FBXL7: variants seen among roughly 807,000 people sequenced by gnomAD.
FBXL7 encodes F-box and leucine rich repeat protein 7.
A neutral mutation model predicts 38.3 loss-of-function variants in FBXL7; 12 were observed. The observed-to-expected ratio is 0.31, with a 90% CI of 0.20 to 0.51. The LOEUF is 0.51. FBXL7 is among the 20% of genes least tolerant of loss of function. FBXL7 has a pLI of 0.98. For synonymous variants in FBXL7, 297 were observed against 300.9 expected (o/e 0.99, Z 0.13); for missense variants, 567 against 676.4 (o/e 0.84, Z 1.79).
chr5:15,858,284 A>G (rs1295277000), intron 2 of FBXL7, among the ~76,000 whole-genome samples: 1 of 151,542 alleles, frequency 6.6e-6, no homozygotes, highest in Non-Finnish European at 1.5e-5. Context: ...TCATTCAAAC[A>G]TTTTATCTAT....
chr5:15,876,358 C>CT (rs1740206230), intron 2 of FBXL7, among the ~76,000 whole-genome samples: 1 of 151,878 alleles, frequency 6.6e-6, no homozygotes, highest in Non-Finnish European at 1.5e-5. Flanking sequence ...TGTAAGAAAC[C>CT]TGAACGTTCT....
At chr5:15,635,626 G>A (rs967189856) in intron 2 of FBXL7, among the ~76,000 whole-genome samples, 2 of 152,192 alleles carry the variant, frequency 1.3e-5, no homozygotes, top group African/African-American at 2.4e-5. Context: ...TAGAGCTGGA[G>A]GGAGCTTAGG....
At chr5:15,679,840 C>T (rs1742789104) in intron 2 of FBXL7, among the ~76,000 whole-genome samples, 1 of 152,030 alleles carries the variant, frequency 6.6e-6, no homozygotes, top group South Asian at 2.1e-4. Context: ...TCTAACAATT[C>T]AGCCATGGGA....
chr5:15,924,546 G>T (rs1741828677), intron 2 of FBXL7, among the ~76,000 whole-genome samples: 1 of 152,050 alleles, frequency 6.6e-6, no homozygotes, highest in Admixed American at 6.6e-5. Context: ...TCTGGGTATT[G>T]GCTGAACCAA....
chr5:15,620,750 G>T (rs571748076), intron 2 of FBXL7, among the ~76,000 whole-genome samples: 1 of 152,192 alleles, frequency 6.6e-6, no homozygotes, highest in Non-Finnish European at 1.5e-5. Context: ...AGCCTGGCAC[G>T]TGGTGCCTGG....
At chr5:15,867,237 A>T (rs1739754408) in intron 2 of FBXL7, among the ~76,000 whole-genome samples, 1 of 152,174 alleles carries the variant, frequency 6.6e-6, no homozygotes, top group South Asian at 2.1e-4. Flanking sequence ...CTTAGCATAC[A>T]GTTCTTTAAA....
At chr5:15,525,921 T>A (rs623156) in intron 1 of FBXL7, among the ~76,000 whole-genome samples, 13,024 of 152,192 alleles carry the variant, frequency 0.086, 1,686 homozygotes, top group African/African-American at 0.28. Flanking sequence ...CCTGCTGTTA[T>A]AGAGCTCTTG....
chr5:15,620,575 C>T (rs1308536526), intron 2 of FBXL7, among the ~76,000 whole-genome samples: 1 of 152,044 alleles, frequency 6.6e-6, no homozygotes, highest in African/African-American at 2.4e-5. Context: ...GAAAATGCTT[C>T]TTGCAACTGT....
chr5:15,794,404 G>T (rs565322547), intron 2 of FBXL7, among the ~76,000 whole-genome samples: 1 of 152,272 alleles, frequency 6.6e-6, no homozygotes, highest in East Asian at 1.9e-4. Flanking sequence ...AAGAAATTAT[G>T]TTTGCCAAAT....
intron 2 of FBXL7, among the ~76,000 whole-genome samples, chr5:15,749,924 C>G (rs960942901): frequency 6.6e-6 from 1 of 152,184 alleles, no homozygotes; most frequent in Admixed American, 6.5e-5. Context: ...TGTATACTTG[C>G]AGGTAAGGGA....
rs1275721257 is a variant in FBXL7, at chr5:15,937,136, C to T, written c.1426C>T (p.Arg476Cys). 1.2e-6 allele frequency: 2 copies of T among 1,610,190 alleles called. No homozygotes were observed. Among genetic ancestry groups the T allele is most frequent in the Non-Finnish European group, 1.7e-6 (2 of 1,177,424 alleles). ...CGTGGAGGCCCTGCGCTTTGTCAAACGCCACTGCAAGCGCTGCGTCATCGA... is the reference window on the plus strand; with the variant it reads ...CGTGGAGGCCCTGCGCTTTGTCAAATGCCACTGCAAGCGCTGCGTCATCGA... ...VSVEALRFVK[R>C]HCKRCVIEHT... is the part of the protein sequence containing the mutation. The change falls in exon 4 of 4, where the codon CGC becomes TGC. Residue 476 changes from arginine to cysteine, a missense_variant. Physicochemically the swap from Arg to Cys is radical, Grantham distance 180. Transcript: ENST00000504595.
At chr5:15,756,043 A>G in intron 2 of FBXL7, among the ~76,000 whole-genome samples, 1 of 152,178 alleles carries the variant, frequency 6.6e-6, no homozygotes, top group East Asian at 1.9e-4. Flanking sequence ...CTTATTACTA[A>G]ATAACATGTA....
chr5:15,760,802 A>G (rs2071880223), intron 2 of FBXL7, among the ~76,000 whole-genome samples: 1 of 152,162 alleles, frequency 6.6e-6, no homozygotes. Context: ...AATGAGGACA[A>G]ACTTAACTCT....
chr5:15,617,420 G>GACAT (rs1400396337), intron 2 of FBXL7, among the ~76,000 whole-genome samples: 1 of 143,568 alleles, frequency 7.0e-6, no homozygotes, highest in East Asian at 2.1e-4. Flanking sequence ...ACTGATTCTA[G>GACAT]ACATTTATTT....
intron 2 of FBXL7, among the ~76,000 whole-genome samples, chr5:15,821,248 A>T (rs973482475): frequency 1.3e-5 from 2 of 152,282 alleles, no homozygotes; most frequent in South Asian, 2.1e-4. Context: ...TCATAAAATA[A>T]TTTTTTTAGA....
rs922611442 is a variant in FBXL7 at position 15,643,858 on chromosome 5, C to T, written c.127+27786C>T. On this transcript the variant is annotated intron_variant, in intron 2 of 3. Coordinates refer to ENST00000504595, the MANE Select transcript of FBXL7 (RefSeq NM_012304.5). ...TGGCTCCTTGGGGTTCATGTGAGGC[C>T]ATGTCAAACAGAAACAGGGAGAAAT... 7.9e-5 allele frequency among the ~76,000 whole-genome samples: 12 copies of T among 152,270 alleles called. No homozygotes were observed. In the East Asian group the frequency reaches 1.7e-3, roughly 22 times the overall value.
At chr5:15,634,336 T>TTG (rs1741105724) in intron 2 of FBXL7, among the ~76,000 whole-genome samples, 1 of 110,688 alleles carries the variant, frequency 9.0e-6, no homozygotes, top group Non-Finnish European at 1.8e-5. Flanking sequence ...TTTTTTTTTT[T>TTG]TAAAAGACAG....
intron 1 of FBXL7, among the ~76,000 whole-genome samples, chr5:15,521,668 AC>A (rs1737099381): frequency 6.6e-6 from 1 of 152,204 alleles, no homozygotes; most frequent in Non-Finnish European, 1.5e-5. Flanking sequence ...TTAACTTAAA[AC>A]TGTCGAGACA....
chr5:15,838,385 CTT>C (rs1277962635), intron 2 of FBXL7, among the ~76,000 whole-genome samples: 16 of 152,064 alleles, frequency 1.1e-4, no homozygotes, highest in African/African-American at 3.6e-4. Flanking sequence ...CGAGGGGTCT[CTT>C]TTATAAGAGC....
Sources: gnomAD v4.1 joint callset for allele counts (sites outside exome capture counted in the v4.1 genomes callset) on GRCh38, gnomAD v4.1.1 for gene constraint, MANE v1.5 for transcripts, NCBI Gene and HGNC (gene_info 2026-07-23, HGNC 2026-07-21) for gene names.